Variants in TOP2A observed in about 807,000 individuals in gnomAD.
TOP2A encodes the protein DNA topoisomerase II alpha, also known as DNA topoisomerase 2-alpha.
TOP2A carries 68 observed loss-of-function variants against 187.2 expected under a neutral mutation model. The ratio of observed to expected loss-of-function variants is 0.36; its 90% CI spans 0.30 to 0.44. The LOEUF (loss-of-function observed/expected upper bound fraction) is 0.44. Ranked by LOEUF, TOP2A falls within the 20% of genes least tolerant of loss-of-function variation. TOP2A has a pLI of 1.00. For missense variants in TOP2A, 1,196 were observed against 1,808.7 expected (o/e 0.66, Z 6.14); for synonymous variants, 542 against 593.2 (o/e 0.91, Z 1.25).
At position 40,413,710 on chromosome 17, in the gene TOP2A, TA is replaced by T; in HGVS notation, c.333-86del. On this transcript the variant is annotated intron_variant, in intron 4 of 34. Transcript: ENST00000423485. ...AAAAATATTTAAATACTATTATTTC[TA>T]AAATATGTATATTCAGGCTGGGCGC... is the stretch of plus-strand genomic sequence containing the variant. The T allele has an allele frequency of 4.2e-6, 3 of 715,810 alleles. No individual in the cohort carries two copies. In the East Asian group the frequency reaches 9.5e-5, roughly 23 times the overall value. 44.3% of individuals were successfully genotyped at this position (715,810 alleles called of 1,614,324 possible). A position where few individuals can be genotyped will look rare whatever the true frequency, so the allele number is the denominator to read the frequency against.
Position 40,412,921 on chromosome 17 carries a change from G to A in TOP2A, c.627C>T (p.Phe209=), listed in dbSNP as rs1450778920. The A allele has an allele frequency of 2.5e-6, 4 of 1,613,632 alleles. No homozygotes were observed. The highest frequency in any genetic ancestry group is 4.5e-5 in the East Asian group (2 of 44,872). Residue 209 remains phenylalanine, a synonymous_variant, in exon 7 of 35, where the codon TTC becomes TTT. Transcript: ENST00000423485. The part of the protein sequence containing the change: ...GRAGEMELKP[F]NGEDYTCITF... ...TGATACATGTATAATCTTCTCCATT[G>A]AAGGGCTTGAGTTCCATCTCACCAG...
rs1186778227 is a variant in TOP2A, at chr17:40,404,451, TTA to T, written c.2085_2086del (p.Tyr695Ter). The stretch of plus-strand genomic sequence containing the variant: ...GATAAGTTCCTTGTTGATGAAGTCA[TTA>T]TATGTCAGATATGTGGTAGTTTGTC... On this transcript the variant is annotated stop_gained and frameshift_variant, in exon 18 of 35. Coordinates refer to ENST00000423485, the MANE Select transcript of TOP2A (RefSeq NM_001067.4). LOFTEE classifies it high-confidence loss of function. 1 of 1,611,436 alleles carries T rather than the reference TTA, an allele frequency of 6.2e-7. No homozygotes were observed. The highest frequency in any genetic ancestry group is 1.7e-5 in the Admixed American group (1 of 59,924).
intron 28 of TOP2A, among the ~76,000 whole-genome samples, chr17:40,395,937 G>C (rs999709383): frequency 1.3e-5 from 2 of 151,566 alleles, no homozygotes; most frequent in African/African-American, 4.8e-5. Context: ...ATTTTAAGTG[G>C]ACATATGCAT....
In TOP2A at chr17:40,412,848, C is replaced by T. The variant is rs1266779809; in HGVS notation, c.700G>A (p.Asp234Asn). Reference protein sequence around the residue: ...SKFKMQSLDKDIVALMVRRAY... With the variant: ...SKFKMQSLDKNIVALMVRRAY... ...CTTCTGACCATTAGTGCAACAATAT[C>T]TTTGTCCAGGCTTTGCATTTTAAAC... Residue 234 changes from aspartate (D) to asparagine (N), a missense_variant, in exon 7 of 35, where the codon GAT becomes AAT. Asp to Asn is a conservative substitution (Grantham distance 23). Transcript: ENST00000423485. The T allele has an allele frequency of 1.9e-6, 3 of 1,613,838 alleles. No individual in the cohort carries two copies. The highest frequency in any genetic ancestry group is 2.5e-6 in the Non-Finnish European group (3 of 1,179,864).
Position 40,398,635 on chromosome 17 carries a change from CTT to C in TOP2A, c.3458_3459del (p.Gln1153ArgfsTer23). The C allele has an allele frequency of 6.3e-7, 1 of 1,598,396 alleles. No homozygotes were observed. Among genetic ancestry groups the C allele is most frequent in the Non-Finnish European group, 8.5e-7 (1 of 1,171,906 alleles). ...CTCTTTCTTTTTAATGTGTCCAGCT[CTT>C]GTTCCTTCATAAGATAATTACAAAA... ...ELCRLRNEKE[Q>X]ELDTLKRKSP... On this transcript the variant is annotated frameshift_variant, in exon 27 of 35. Transcript: ENST00000423485. LOFTEE classifies it high-confidence loss of function.
rs1420227932 is a variant in TOP2A, at chr17:40,405,675, T to G, written c.1953+709A>C. Among the ~76,000 whole-genome samples the G allele has an allele frequency of 2.6e-5, 4 of 152,108 alleles. No homozygotes were observed. In the South Asian group the frequency reaches 6.2e-4, roughly 24 times the overall value. ...TAGTAGAGACGGGGTTTCACCGTGT[T>G]AGCCAGGATGGTCTCCATCTCATGA... On this transcript the variant is annotated intron_variant, in intron 16 of 34. Transcript: ENST00000423485.
At chr17:40,390,254 T>C (rs2035005869) in intron 33 of TOP2A, 90 bp from the exon 34 acceptor site, 3 of 1,230,870 alleles carry the variant, frequency 2.4e-6, no homozygotes, top group African/African-American at 1.5e-5. Context: ...AGTGGTGTTA[T>C]CTCGGCTCAC....
Position 40,400,536 on chromosome 17 carries a change from C to T in TOP2A, c.2792G>A (p.Trp931Ter), listed in dbSNP as rs1457269819. ...IEISELPVRT[W>*]TQTYKEQVLE... is the part of the protein sequence containing the mutation. The stretch of plus-strand genomic sequence containing the variant: ...AAATCCATAATTATTTACCTGGGTC[C>T]ATGTTCTGACGGGAAGCTCTGAGAT... Residue 931 changes from tryptophan (W) to a stop codon, truncating the protein, a stop_gained, in exon 22 of 35, where the codon TGG becomes TAG. Transcript: ENST00000423485. LOFTEE classifies it high-confidence loss of function. 6.2e-7 allele frequency: 1 copy of T among 1,608,880 alleles called. No individual in the cohort carries two copies. Among genetic ancestry groups the T allele is most frequent in the Admixed American group, 1.7e-5 (1 of 58,810 alleles).
intron 5 of TOP2A, 68 bp downstream of exon 5, chr17:40,413,412 G>A: frequency 7.1e-7 from 1 of 1,402,662 alleles, no homozygotes; most frequent in East Asian, 2.5e-5. Context: ...TAACCCTCAT[G>A]CCACAGACAG....
chr17:40,395,802 CGCTTGA>C (rs1296247166), intron 28 of TOP2A, among the ~76,000 whole-genome samples: 5 of 151,804 alleles, frequency 3.3e-5, no homozygotes, highest in Non-Finnish European at 5.9e-5. Context: ...GCACGAGAAT[CGCTTGA>C]ATACGGGAGG....
Position 40,400,215 on chromosome 17 carries a change from G to A in TOP2A, c.2994C>T (p.Asn998=). The A allele has an allele frequency of 6.2e-7, 1 of 1,613,530 alleles. No homozygotes were observed. Among genetic ancestry groups the A allele is most frequent in the Non-Finnish European group, 8.5e-7 (1 of 1,179,536 alleles). Residue 998 remains asparagine, a synonymous_variant, in exon 23 of 35, where the codon AAC becomes AAT. Transcript: ENST00000423485. The part of the protein sequence containing the change: ...VFKLQTSLTC[N]SMVLFDHVGC... Reference sequence around the variant, plus strand: ...TCACAAAACAAATACATACCATAGAGTTGCATGTGAGACTAGTTTGGAGTT... The same window carrying A: ...TCACAAAACAAATACATACCATAGAATTGCATGTGAGACTAGTTTGGAGTT...
Position 40,397,579 on chromosome 17 carries a change from C to A in TOP2A, c.3537+979G>T, listed in dbSNP as rs532950023. Reference sequence around the variant, plus strand: ...GGGATTACAGGCATGAGCCACCATGCCCTGTGGCTTTGTCCTTTTAAGTTG... The same window carrying A: ...GGGATTACAGGCATGAGCCACCATGACCTGTGGCTTTGTCCTTTTAAGTTG... On this transcript the variant is annotated intron_variant, in intron 27 of 34. Transcript: ENST00000423485. 2.6e-5 allele frequency among the ~76,000 whole-genome samples: 4 copies of A among 152,186 alleles called. No individual in the cohort carries two copies. The South Asian group carries it at 8.3e-4, about 32-fold the overall frequency.
intron 4 of TOP2A, 142 bp downstream of exon 4, chr17:40,415,863 C>T: frequency 1.7e-6 from 1 of 593,400 alleles, no homozygotes; most frequent in Non-Finnish European, 3.1e-6. Flanking sequence ...GGTGGGTATC[C>T]ATAGGTTTTT....
chr17:40,399,571 G>C (rs1435810786), intron 24 of TOP2A, among the ~76,000 whole-genome samples: 1 of 151,146 alleles, frequency 6.6e-6, no homozygotes, highest in Non-Finnish European at 1.5e-5. Context: ...TGTTCCTGTA[G>C]ACATGATTAG....
chr17:40,390,264 C>A (rs1270381847), intron 33 of TOP2A, 100 bp from the exon 34 acceptor site: 6 of 1,079,410 alleles, frequency 5.6e-6, no homozygotes, highest in Non-Finnish European at 7.8e-6. Context: ...TCTCGGCTCA[C>A]TGCAACCTCT....
Position 40,406,847 on chromosome 17 carries a change from G to A in TOP2A, c.1722C>T (p.Ile574=), listed in dbSNP as rs2035252484. ...ATTAGCGTACCTTTACAATGGGAGTGATAAATTCCTCCAGAAAACGATGTC... is the reference window on the plus strand; with the variant it reads ...ATTAGCGTACCTTTACAATGGGAGTAATAAATTCCTCCAGAAAACGATGTC... The part of the protein sequence containing the change: ...LLRHRFLEEF[I]TPIVKVSKNK... The change falls in exon 14 of 35, where the codon ATC becomes ATT. Residue 574 remains isoleucine (I), a synonymous_variant. Coordinates refer to ENST00000423485, the MANE Select transcript of TOP2A (RefSeq NM_001067.4). The A allele has an allele frequency of 1.2e-6, 2 of 1,605,398 alleles. No homozygotes were observed. The highest frequency in any genetic ancestry group is 1.1e-5 in the South Asian group (1 of 90,144).
Position 40,417,775 on chromosome 17 carries a change from A to ACC in TOP2A, c.16_17insGG (p.Leu6TrpfsTer5). 1.2e-6 allele frequency: 2 copies of ACC among 1,613,398 alleles called. No homozygotes were observed. The highest frequency in any genetic ancestry group is 1.7e-6 in the Non-Finnish European group (2 of 1,179,860). On this transcript the variant is annotated frameshift_variant, in exon 1 of 35. Coordinates refer to ENST00000423485, the MANE Select transcript of TOP2A (RefSeq NM_001067.4). LOFTEE classifies it high-confidence loss of function. ...AGTCCCCCCCGCGAGCCGTACCTGC[A>ACC]ATGGTGACACTTCCATGGTGACGGT...
chr17:40,389,859 A>G, intron 34 of TOP2A, 106 bp downstream of exon 34: 1 of 1,289,058 alleles, frequency 7.8e-7, no homozygotes, highest in East Asian at 2.5e-5. Context: ...CTAACAGAAT[A>G]TGAGAGTTAA....
chr17:40,397,962 G>A (rs2035122662), intron 27 of TOP2A, among the ~76,000 whole-genome samples: 1 of 151,702 alleles, frequency 6.6e-6, no homozygotes, highest in Non-Finnish European at 1.5e-5. Flanking sequence ...AATTTTAGTA[G>A]AGACAGGGTT....
Sources: gnomAD v4.1 joint callset for allele counts (sites outside exome capture counted in the v4.1 genomes callset) on GRCh38, gnomAD v4.1.1 for gene constraint, MANE v1.5 for transcripts, NCBI Gene and HGNC (gene_info 2026-07-23, HGNC 2026-07-21) for gene names.